COL21A1: variants seen among roughly 807,000 people sequenced by gnomAD.
COL21A1 encodes the protein collagen type XXI alpha 1 chain.
COL21A1 carries 149 observed loss-of-function variants against 137.9 expected under a neutral mutation model. The ratio of observed to expected loss-of-function variants is 1.08; its 90% CI spans 0.95 to 1.24. COL21A1 has a LOEUF of 1.24. Among genes scored for constraint, COL21A1 ranks in the 50% most tolerant of loss-of-function variants. The pLI, the probability that COL21A1 is intolerant of heterozygous loss-of-function variation, is 0.00. For synonymous variants in COL21A1, 456 were observed against 391.5 expected (o/e 1.16, Z -1.95); for missense variants, 1,167 against 1,158.4 (o/e 1.01, Z -0.11).
chr6:56,077,084 T>A (rs545555253), intron 18 of COL21A1, among the ~76,000 whole-genome samples: 4 of 151,450 alleles, frequency 2.6e-5, no homozygotes, highest in African/African-American at 9.6e-5. Context: ...AATCTTCAAT[T>A]TACTAAGAGA....
chr6:56,190,132 C>CA (rs1322841328), intron 1 of COL21A1, among the ~76,000 whole-genome samples: 5 of 151,976 alleles, frequency 3.3e-5, no homozygotes, highest in African/African-American at 1.2e-4. Context: ...AAAAACCCTT[C>CA]AAAAAATCAA....
intron 1 of COL21A1, among the ~76,000 whole-genome samples, chr6:56,307,700 G>C (rs963931861): frequency 6.6e-6 from 1 of 152,116 alleles, no homozygotes; most frequent in African/African-American, 2.4e-5. Context: ...CCCTGCTTGG[G>C]CTCATGCTCA....
intron 10 of COL21A1, among the ~76,000 whole-genome samples, chr6:56,146,722 G>C (rs1774865763): frequency 1.3e-5 from 2 of 152,092 alleles, no homozygotes; most frequent in African/African-American, 4.8e-5. Context: ...CCAAAAGAGA[G>C]AGAATAAGCA....
chr6:56,272,320 G>A (rs1763548077), intron 1 of COL21A1, among the ~76,000 whole-genome samples: 3 of 152,190 alleles, frequency 2.0e-5, no homozygotes, highest in Admixed American at 6.5e-5. Flanking sequence ...GCCCTGCCAG[G>A]TTTTGGACTT....
rs1776448286 is a variant in COL21A1 at position 56,164,796 on chromosome 6, A to G, written c.1287+18T>C. On this transcript the variant is annotated intron_variant, in intron 8 of 29. Coordinates refer to ENST00000244728, the MANE Select transcript of COL21A1 (RefSeq NM_030820.4). ...ATACAAATATTACCTTAAGGGGAAC[A>G]ATAGTATCCAAGCCTACCTCTCCAT... is the stretch of plus-strand genomic sequence containing the variant. The G allele has an allele frequency of 1.3e-6, 2 of 1,565,290 alleles. No individual in the cohort carries two copies. The highest frequency in any genetic ancestry group is 1.7e-6 in the Non-Finnish European group (2 of 1,152,002).
At chr6:56,144,482 G>T (rs1305585443) in intron 10 of COL21A1, among the ~76,000 whole-genome samples, 1 of 152,106 alleles carries the variant, frequency 6.6e-6, no homozygotes, top group Non-Finnish European at 1.5e-5. Flanking sequence ...TGATCAAAAT[G>T]GTTGATCATC....
intron 1 of COL21A1, among the ~76,000 whole-genome samples, chr6:56,194,733 T>C (rs575347123): frequency 2.3e-4 from 35 of 152,280 alleles, no homozygotes; most frequent in Admixed American, 4.6e-4. Context: ...TTAAGGTGTA[T>C]AAAAATCACT....
At position 56,241,634 on chromosome 6, in the gene COL21A1, C is replaced by G. The variant is rs554707906; in HGVS notation, c.-39+5753G>C. On this transcript the variant is annotated intron_variant, in intron 1 of 29. Transcript: ENST00000244728. Reference sequence around the variant, plus strand: ...GTGGAGAGCAGCCTGATTCTCAGGACCTGGGTATTTACCTTCTCCACAATG... The same window carrying G: ...GTGGAGAGCAGCCTGATTCTCAGGAGCTGGGTATTTACCTTCTCCACAATG... Among the ~76,000 whole-genome samples, 270 of 47,290 alleles carry G rather than the reference C, an allele frequency of 5.7e-3. 3 individuals are homozygous for G. Among genetic ancestry groups the G allele is most frequent in the South Asian group, 1.7e-3 (4 of 2,298 alleles). The allele number at this position is 47,290 out of a possible 152,430, so 31.0% of individuals were successfully genotyped here.
chr6:56,206,915 T>G (rs1469572822), intron 1 of COL21A1, among the ~76,000 whole-genome samples: 1 of 151,842 alleles, frequency 6.6e-6, no homozygotes, highest in Non-Finnish European at 1.5e-5. Flanking sequence ...ACTTGGAAAC[T>G]GAACAACCTA....
intron 1 of COL21A1, among the ~76,000 whole-genome samples, chr6:56,244,221 C>T (rs767075379): frequency 6.6e-6 from 1 of 152,174 alleles, no homozygotes; most frequent in Non-Finnish European, 1.5e-5. Context: ...ATACCTATGA[C>T]AGGAGAGTCA....
At chr6:56,116,951 C>T (rs910657281) in intron 16 of COL21A1, among the ~76,000 whole-genome samples, 2 of 151,228 alleles carry the variant, frequency 1.3e-5, no homozygotes, top group Admixed American at 1.3e-4. Flanking sequence ...AATGAATACA[C>T]AAAAAATAAA....
chr6:56,360,925 C>T (rs187242418), intron 1 of COL21A1, among the ~76,000 whole-genome samples: 2 of 152,228 alleles, frequency 1.3e-5, no homozygotes, highest in East Asian at 1.9e-4. Flanking sequence ...CATGGGGAAA[C>T]TCCGTCTCTA....
chr6:56,236,976 C>G (rs1279608797), intron 1 of COL21A1, among the ~76,000 whole-genome samples: 1 of 152,014 alleles, frequency 6.6e-6, no homozygotes, highest in Non-Finnish European at 1.5e-5. Flanking sequence ...CCATTTAAAA[C>G]TTCTCAACTC....
chr6:56,326,063 AT>A (rs1315316005), intron 1 of COL21A1, among the ~76,000 whole-genome samples: 2 of 122,102 alleles, frequency 1.6e-5, no homozygotes, highest in African/African-American at 3.1e-5. Context: ...AAGTATTAAT[AT>A]TAATACATAA....
chr6:56,355,984 G>T (rs904370550), intron 1 of COL21A1, among the ~76,000 whole-genome samples: 1 of 152,196 alleles, frequency 6.6e-6, no homozygotes, highest in Non-Finnish European at 1.5e-5. Context: ...TGCAGAAGCT[G>T]AGGAGGAAAT....
intron 1 of COL21A1, among the ~76,000 whole-genome samples, chr6:56,205,290 G>T (rs1779690598): frequency 1.3e-5 from 2 of 152,096 alleles, no homozygotes; most frequent in South Asian, 4.1e-4. Context: ...AAGAACATAA[G>T]TGACCTGATG....
intron 17 of COL21A1, among the ~76,000 whole-genome samples, chr6:56,099,079 C>T (rs773518717): frequency 6.6e-6 from 1 of 151,568 alleles, no homozygotes; most frequent in African/African-American, 2.4e-5. Flanking sequence ...TCATGTTCAA[C>T]GTAAATACGT....
intron 1 of COL21A1, among the ~76,000 whole-genome samples, chr6:56,239,785 T>G (rs12209422): frequency 6.6e-6 from 1 of 152,116 alleles, no homozygotes; most frequent in Non-Finnish European, 1.5e-5. Context: ...ATTTACATGA[T>G]GCCAATGTGA....
chr6:56,336,925 G>A (rs1343938763), intron 1 of COL21A1, among the ~76,000 whole-genome samples: 1 of 152,086 alleles, frequency 6.6e-6, no homozygotes, highest in East Asian at 1.9e-4. Flanking sequence ...ACCAATATGG[G>A]CACTTTTGCT....
Sources: gnomAD v4.1 joint callset for allele counts (sites outside exome capture counted in the v4.1 genomes callset) on GRCh38, gnomAD v4.1.1 for gene constraint, MANE v1.5 for transcripts, NCBI Gene and HGNC (gene_info 2026-07-23, HGNC 2026-07-21) for gene names.